Variants in FRMD4B observed in about 807,000 individuals in gnomAD.
The protein encoded by FRMD4B is FERM domain containing 4B.
Under a neutral mutation model 141.5 loss-of-function variants are expected in FRMD4B, and 74 were observed. The ratio of observed to expected loss-of-function variants is 0.52; its 90% CI spans 0.43 to 0.63. The LOEUF is 0.63. FRMD4B is among the 30% of genes least tolerant of loss of function. FRMD4B has a pLI of 0.00. For synonymous variants in FRMD4B, 506 were observed against 467.9 expected (o/e 1.08, Z -1.05); for missense variants, 1,366 against 1,253.4 (o/e 1.09, Z -1.36).
At position 69,505,042 on chromosome 3, in the gene FRMD4B, T is replaced by C. The variant is rs1706572083; in HGVS notation, c.-129+37164A>G. On this transcript the variant is annotated intron_variant, in intron 1 of 5. Coordinates refer to the FRMD4B transcript ENST00000459638. ...CAGGGATTCTATCCTCTTTTGGATA[T>C]CAGAGACTCTGATGGACAAGGACAC... Among the ~76,000 whole-genome samples the C allele has an allele frequency of 2.6e-5, 4 of 152,100 alleles. No homozygotes were observed. The South Asian group carries it at 8.3e-4, about 32-fold the overall frequency.
intron 5 of FRMD4B, among the ~76,000 whole-genome samples, chr3:69,267,644 G>T (rs1222238501): frequency 1.4e-3 from 44 of 31,066 alleles, no homozygotes; most frequent in Middle Eastern, 0.015. Flanking sequence ...TATAGAGAGA[G>T]AGAGAGAGAG....
rs150681634 is a variant in FRMD4B at position 69,501,644 on chromosome 3, C to T, written c.-129+40562G>A. ...ACAAGACAGGGATGCCCTCTCTCACCACTCCTATTCAACATAGTGTTGGAA... is the reference window on the plus strand; with the variant it reads ...ACAAGACAGGGATGCCCTCTCTCACTACTCCTATTCAACATAGTGTTGGAA... On this transcript the variant is annotated intron_variant, in intron 1 of 5. Transcript: ENST00000459638. Among the ~76,000 whole-genome samples, 583 of 152,272 alleles carry T rather than the reference C, an allele frequency of 3.8e-3. 1 individual carries two copies. The highest frequency in any genetic ancestry group is 5.8e-3 in the Non-Finnish European group (396 of 68,024).
At chr3:69,279,684 C>G (rs2093634676) in intron 5 of FRMD4B, among the ~76,000 whole-genome samples, 1 of 46,020 alleles carries the variant, frequency 2.2e-5, no homozygotes, top group Non-Finnish European at 5.5e-5. Context: ...CCTCCTCCTC[C>G]TCCTCCCCTC....
chr3:69,497,976 A>C (rs1302052277), intron 1 of FRMD4B, among the ~76,000 whole-genome samples: 3 of 152,200 alleles, frequency 2.0e-5, no homozygotes, highest in African/African-American at 7.2e-5. Context: ...TTCCCTAAGA[A>C]ATAGCATTCT....
upstream of FRMD4B, among the ~76,000 whole-genome samples, chr3:69,389,651 C>T (rs999452220): frequency 4.6e-5 from 7 of 152,176 alleles, no homozygotes; most frequent in Non-Finnish European, 8.8e-5. Flanking sequence ...AGAAGAAGTT[C>T]GAAGGTCAAG....
chr3:69,290,563 C>T (rs935819597), intron 4 of FRMD4B, among the ~76,000 whole-genome samples: 5 of 152,146 alleles, frequency 3.3e-5, no homozygotes, highest in Admixed American at 3.3e-4. Context: ...GCTTTCTTGG[C>T]TTTCCCATGC....
intron 7 of FRMD4B, among the ~76,000 whole-genome samples, chr3:69,246,089 G>T (rs945581330): frequency 1.3e-5 from 2 of 152,132 alleles, no homozygotes; most frequent in South Asian, 4.2e-4. Context: ...CACCTGCCTC[G>T]GCCTCCCAAA....
chr3:69,315,295 G>C (rs2107249974), intron 1 of FRMD4B, among the ~76,000 whole-genome samples: 1 of 152,184 alleles, frequency 6.6e-6, no homozygotes, highest in African/African-American at 2.4e-5. Flanking sequence ...CATTTTATCT[G>C]CAGAAATCAC....
At chr3:69,465,535 C>A (rs1026013584) in intron 1 of FRMD4B, among the ~76,000 whole-genome samples, 1 of 151,562 alleles carries the variant, frequency 6.6e-6, no homozygotes, top group African/African-American at 2.4e-5. Context: ...TGCTATCCCT[C>A]CCCCAGTCCC....
chr3:69,201,965 A>G (rs2092971991), intron 11 of FRMD4B, among the ~76,000 whole-genome samples: 1 of 152,152 alleles, frequency 6.6e-6, no homozygotes, highest in African/African-American at 2.4e-5. Context: ...GCACTTTGAG[A>G]GGCCGAGGCG....
rs545148207 is a variant in FRMD4B at position 69,370,492 on chromosome 3, G to C, written c.162+15336C>G. Among the ~76,000 whole-genome samples, 3 of 152,328 alleles carry C rather than the reference G, an allele frequency of 2.0e-5. No individual in the cohort carries two copies. The East Asian group carries it at 5.8e-4, about 29-fold the overall frequency. On this transcript the variant is annotated intron_variant, in intron 1 of 22. Coordinates refer to ENST00000398540, the MANE Select transcript of FRMD4B (RefSeq NM_015123.3). ...AGGGTTAGAGGAAATAAGCTACTCTGCTATCTAAAGCAATGCTTTTCTGAT... is the reference window on the plus strand; with the variant it reads ...AGGGTTAGAGGAAATAAGCTACTCTCCTATCTAAAGCAATGCTTTTCTGAT...
At chr3:69,284,103 G>A (rs1376170279) in intron 5 of FRMD4B, among the ~76,000 whole-genome samples, 1 of 152,180 alleles carries the variant, frequency 6.6e-6, no homozygotes, top group East Asian at 1.9e-4. Context: ...TCAAGAGAGG[G>A]CTCCAGGCTG....
intron 2 of FRMD4B, among the ~76,000 whole-genome samples, chr3:69,406,836 C>A (rs1172424576): frequency 6.6e-6 from 1 of 151,708 alleles, no homozygotes; most frequent in Non-Finnish European, 1.5e-5. Context: ...GGCTTAAGCA[C>A]TCCTCCTGCC....
intron 3 of FRMD4B, among the ~76,000 whole-genome samples, chr3:69,304,128 A>G (rs1216165594): frequency 7.2e-6 from 1 of 139,772 alleles, no homozygotes; most frequent in African/African-American, 2.6e-5. Flanking sequence ...GTGAGCTATG[A>G]TTGTGCTACT....
intron 11 of FRMD4B, chr3:69,200,591 C>A: frequency 9.3e-6 from 11 of 1,184,924 alleles, no homozygotes; most frequent in Middle Eastern, 3.1e-4. Flanking sequence ...CTGACATCAG[C>A]AACTCTCCTG....
chr3:69,378,260 T>A (rs1028072736), intron 1 of FRMD4B, among the ~76,000 whole-genome samples: 7 of 152,196 alleles, frequency 4.6e-5, no homozygotes, highest in Admixed American at 1.3e-4. Context: ...CAAGGCAGAA[T>A]TGGTTTGCCT....
At chr3:69,214,678 G>A (rs1265884054) in intron 11 of FRMD4B, among the ~76,000 whole-genome samples, 1 of 152,054 alleles carries the variant, frequency 6.6e-6, no homozygotes, top group Non-Finnish European at 1.5e-5. Flanking sequence ...GGGAAAAATA[G>A]TCAGACTTTG....
Position 69,379,290 on chromosome 3 carries a change from A to T in FRMD4B, c.162+6538T>A, listed in dbSNP as rs189663476. ...AATTTCTAAGTAATTATATATATAT[A>T]TTTTTTGAGACAGGGTCTCACTCTA... On this transcript the variant is annotated intron_variant, in intron 1 of 22. Transcript: ENST00000398540. Among the ~76,000 whole-genome samples the T allele has an allele frequency of 4.0e-3, 608 of 152,150 alleles. 10 individuals carry two copies. Among genetic ancestry groups the T allele is most frequent in the East Asian group, 0.028 (147 of 5,178 alleles).
chr3:69,347,893 T>A (rs531109825), intron 1 of FRMD4B, among the ~76,000 whole-genome samples: 1 of 152,054 alleles, frequency 6.6e-6, no homozygotes, highest in Non-Finnish European at 1.5e-5. Context: ...GAGATCTAAA[T>A]TTGACACCCT....
Sources: allele counts gnomAD v4.1 joint callset (sites outside exome capture counted in the v4.1 genomes callset), GRCh38; gene constraint gnomAD v4.1.1; transcripts MANE v1.5; gene names NCBI Gene and HGNC (gene_info 2026-07-23, HGNC 2026-07-21).